The following PXK variants were observed in gnomAD, a reference collection of about 807,000 sequenced individuals.
PXK encodes PX domain containing serine/threonine kinase like, also known as PX domain-containing protein kinase-like protein.
Under a neutral mutation model 84.7 loss-of-function variants are expected in PXK, and 35 were observed. That is an observed-to-expected ratio of 0.41 (90% confidence interval 0.32 to 0.55). The LOEUF is 0.55. PXK is among the 20% of genes least tolerant of loss of function. The probability of loss-of-function intolerance (pLI) is 0.21; values close to 1 mark genes in which losing one functional copy is unlikely to be tolerated. For missense variants in PXK, 634 were observed against 699.7 expected, an observed-to-expected ratio of 0.91 and a Z score of 1.06; for synonymous variants, 253 against 260.8, an observed-to-expected ratio of 0.97 and a Z score of 0.29.
Position 58,409,496 on chromosome 3 carries a change from A to C in PXK, c.1309-36A>C. On this transcript the variant is annotated intron_variant, in intron 14 of 17. Coordinates refer to ENST00000356151, the MANE Select transcript of PXK (RefSeq NM_017771.5). The surrounding 1 kb of genome is among the most constrained non-coding windows in gnomAD (Gnocchi z 4.2). ...AAGATTTTCATTAGGAAGCTGCCTT[A>C]TGTGGGATATGCTTACATCTTATGG... The C allele has an allele frequency of 6.4e-7, 1 of 1,564,590 alleles. No homozygotes were observed. The highest frequency in any genetic ancestry group is 8.8e-7 in the Non-Finnish European group (1 of 1,141,310).
intron 17 of PXK, among the ~76,000 whole-genome samples, chr3:58,418,074 C>T (rs1422013527): frequency 6.6e-6 from 1 of 152,214 alleles, no homozygotes; most frequent in Non-Finnish European, 1.5e-5. Flanking sequence ...CCGCCTTAGC[C>T]TCCCATAACA....
At position 58,425,294 on chromosome 3, in the gene PXK, A is replaced by G; in HGVS notation, c.*334A>G. 1 of 281,632 alleles carries G rather than the reference A, an allele frequency of 3.6e-6. No homozygotes were observed. Among genetic ancestry groups the G allele is most frequent in the South Asian group, 3.8e-5 (1 of 26,078 alleles). The allele number at this position is 281,632 out of a possible 1,614,324, so 17.4% of individuals were successfully genotyped here. On this transcript the variant is annotated 3_prime_UTR_variant, in exon 18 of 18. Transcript: ENST00000356151. ...GACAGAAAAACAATGACAATATTCA[A>G]TCACAGCAGTAAATGGCCTTTGTGT...
In PXK at chr3:58,333,168, C is replaced by A; in HGVS notation, c.102+78C>A. The stretch of plus-strand genomic sequence containing the variant: ...GGGGCTGCGGGCTGCCTGGCGCGGG[C>A]CGGGCAGGGTCGTCGGACGGAGACC... On this transcript the variant is annotated intron_variant, in intron 1 of 17. Transcript: ENST00000356151. This position sits in a 1 kb window ranked among gnomAD's most constrained non-coding sequence, Gnocchi z 5.4. The A allele has an allele frequency of 1.2e-6, 1 of 868,562 alleles. No individual in the cohort carries two copies. Among genetic ancestry groups the A allele is most frequent in the Non-Finnish European group, 1.4e-6 (1 of 716,738 alleles). The allele number at this position is 868,562 out of a possible 1,614,324, so 53.8% of individuals were successfully genotyped here.
At chr3:58,378,510 T>TGTGTGTG (rs1448463917) in intron 3 of PXK, among the ~76,000 whole-genome samples, 7 of 27,716 alleles carry the variant, frequency 2.5e-4, no homozygotes, top group African/African-American at 5.8e-4. Context: ...TTTTTTTTTT[T>TGTGTGTG]TTTGTGTGTG....
At chr3:58,403,681 C>T (rs976066120) in intron 12 of PXK, among the ~76,000 whole-genome samples, 181 bp from the exon 13 acceptor site, 4 of 152,136 alleles carry the variant, frequency 2.6e-5, no homozygotes, top group Admixed American at 6.5e-5. Context: ...TCACACTGGG[C>T]CACCTGCAAA....
At chr3:58,368,183 G>A (rs1176150953) in intron 2 of PXK, among the ~76,000 whole-genome samples, 1 of 152,136 alleles carries the variant, frequency 6.6e-6, no homozygotes, top group African/African-American at 2.4e-5. Flanking sequence ...TTCCTCCTGG[G>A]TATGGGGCAG....
rs538170207 is a variant in PXK, at chr3:58,416,947, G to A, written c.1528+3984G>A. ...CAGGATTGCAACTTTTGGCTGGCCA[G>A]CCCATGCTTAGGCTGTTCTTCCTTG... On this transcript the variant is annotated intron_variant, in intron 17 of 17. Transcript: ENST00000356151. The surrounding 1 kb of genome is among the most constrained non-coding windows in gnomAD (Gnocchi z 4.8). Among the ~76,000 whole-genome samples, 6 of 152,300 alleles carry A rather than the reference G, an allele frequency of 3.9e-5. No individual in the cohort carries two copies. In the East Asian group the frequency reaches 9.6e-4, roughly 24 times the overall value.
At chr3:58,384,020 A>G (rs1429418060) in intron 4 of PXK, among the ~76,000 whole-genome samples, 1 of 152,134 alleles carries the variant, frequency 6.6e-6, no homozygotes, top group African/African-American at 2.4e-5. Context: ...TCACCTGGGG[A>G]GCGTTAGAAA....
intron 17 of PXK, chr3:58,423,489 A>G: frequency 1.3e-6 from 2 of 1,534,222 alleles, no homozygotes; most frequent in Non-Finnish European, 1.7e-6. Flanking sequence ...AAAGATGTAA[A>G]GAAAGGTAAG....
rs564335856 is a variant in PXK at position 58,409,485 on chromosome 3, G to A, written c.1309-47G>A. 2.0e-6 allele frequency: 3 copies of A among 1,517,474 alleles called. No individual in the cohort carries two copies. The highest frequency in any genetic ancestry group is 2.7e-6 in the Non-Finnish European group (3 of 1,105,676). The allele number at this position is 1,517,474 out of a possible 1,614,324, so 94.0% of individuals were successfully genotyped here. A position where few individuals can be genotyped will look rare whatever the true frequency, so the allele number is the denominator to read the frequency against. On this transcript the variant is annotated intron_variant, in intron 14 of 17. Transcript: ENST00000356151. The surrounding 1 kb of genome is among the most constrained non-coding windows in gnomAD (Gnocchi z 4.2). ...ACATGTTGGAGAAGATTTTCATTAG[G>A]AAGCTGCCTTATGTGGGATATGCTT...
chr3:58,423,555 T>C, intron 17 of PXK: 1 of 1,527,010 alleles, frequency 6.5e-7, no homozygotes, highest in East Asian at 2.4e-5. Context: ...GAAAAGGATG[T>C]ACTTACCTGA....
chr3:58,404,881 T>C (rs1284449701), intron 13 of PXK, among the ~76,000 whole-genome samples: 2 of 152,224 alleles, frequency 1.3e-5, no homozygotes, highest in African/African-American at 4.8e-5. Flanking sequence ...GTTTTGCCAG[T>C]TAGAGGAATT....
chr3:58,374,257 A>T (rs1355634502), intron 3 of PXK, among the ~76,000 whole-genome samples: 1 of 144,394 alleles, frequency 6.9e-6, no homozygotes, highest in Non-Finnish European at 1.5e-5. Context: ...TGCAACCTCC[A>T]CCTCCCGGGT....
rs188849097 is a variant in PXK at position 58,398,605 on chromosome 3, A to G, written c.1103-694A>G. ...GAGCACCTTTAGGAAGGAGGGATGC[A>G]GGAACTGGTACAGACTCATCCAGGA... is the stretch of plus-strand genomic sequence containing the variant. On this transcript the variant is annotated intron_variant, in intron 11 of 17. Transcript: ENST00000356151. This position sits in a 1 kb window ranked among gnomAD's most constrained non-coding sequence, Gnocchi z 4.5. Among the ~76,000 whole-genome samples the G allele has an allele frequency of 2.8e-4, 42 of 152,254 alleles. No homozygotes were observed. The highest frequency in any genetic ancestry group is 5.3e-4 in the Non-Finnish European group (36 of 68,014).
intron 1 of PXK, among the ~76,000 whole-genome samples, chr3:58,359,061 G>A (rs1575961722): frequency 6.6e-6 from 1 of 152,152 alleles, no homozygotes; most frequent in Non-Finnish European, 1.5e-5. Context: ...GGTTTGGAAC[G>A]TGATAGGTGC....
At position 58,399,815 on chromosome 3, in the gene PXK, G is replaced by C. The variant is rs138360758; in HGVS notation, c.1181+438G>C. The stretch of plus-strand genomic sequence containing the variant: ...GTCTGCCCTCCAGGAAGAGGGCAAC[G>C]TGTTTCTGAGCACCCATGCTTCTGC... On this transcript the variant is annotated intron_variant, in intron 12 of 17. Coordinates refer to ENST00000356151, the MANE Select transcript of PXK (RefSeq NM_017771.5). This position sits in a 1 kb window ranked among gnomAD's most constrained non-coding sequence, Gnocchi z 4.3. 1.3e-5 allele frequency among the ~76,000 whole-genome samples: 2 copies of C among 152,066 alleles called. No individual in the cohort carries two copies. Among genetic ancestry groups the C allele is most frequent in the South Asian group, 4.2e-4 (2 of 4,816 alleles).
In PXK at chr3:58,412,189, C is replaced by T. The variant is rs2060305086; in HGVS notation, c.1466-712C>T. 6.6e-6 allele frequency among the ~76,000 whole-genome samples: 1 copy of T among 152,136 alleles called. No homozygotes were observed. The highest frequency in any genetic ancestry group is 1.5e-5 in the Non-Finnish European group (1 of 68,014). On this transcript the variant is annotated intron_variant, in intron 16 of 17. Transcript: ENST00000356151. The surrounding 1 kb of genome is among the most constrained non-coding windows in gnomAD (Gnocchi z 6.2). ...CACAGAAAGGCTTACGTAGGAACCT[C>T]TGCTCATTGGGCTACTTCATGTCAG...
chr3:58,423,574 T>C, intron 17 of PXK: 1 of 1,455,664 alleles, frequency 6.9e-7, no homozygotes, highest in African/African-American at 1.8e-5. Context: ...GAGTATTGTG[T>C]TGGTGATTCT....
Position 58,392,664 on chromosome 3 carries a change from C to CTT in PXK, c.615+830_615+831dup, listed in dbSNP as rs35624263. Among the ~76,000 whole-genome samples the CTT allele has an allele frequency of 6.9e-5, 10 of 144,026 alleles. No homozygotes were observed. The East Asian group carries it at 1.4e-3, about 21-fold the overall frequency. 94.5% of individuals were successfully genotyped at this position (144,026 alleles called of 152,430 possible). A position where few individuals can be genotyped will look rare whatever the true frequency, so the allele number is the denominator to read the frequency against. On this transcript the variant is annotated intron_variant, in intron 7 of 17. Coordinates refer to ENST00000356151, the MANE Select transcript of PXK (RefSeq NM_017771.5). The stretch of plus-strand genomic sequence containing the variant: ...GCTGTCAGGACCTAGTTCTAAATTT[C>CTT]TTTTTTTTTTTTTTCAAGGTGGAGT...
Sources: allele counts gnomAD v4.1 joint callset (sites outside exome capture counted in the v4.1 genomes callset), GRCh38; gene constraint gnomAD v4.1.1; non-coding constraint Gnocchi (gnomAD v3.1); transcripts MANE v1.5; gene names NCBI Gene and HGNC (gene_info 2026-07-23, HGNC 2026-07-21).